The following RTN4IP1 variants were observed in gnomAD, a reference collection of about 807,000 sequenced individuals.
The protein encoded by RTN4IP1 is NAD(P)H oxidoreductase RTN4IP1, mitochondrial.
A neutral mutation model predicts 46.6 loss-of-function variants in RTN4IP1; 32 were observed. That is an observed-to-expected ratio of 0.69 (90% CI 0.52 to 0.92). RTN4IP1 has a LOEUF of 0.92. Ranked by LOEUF, RTN4IP1 falls within the 40% of genes least tolerant of loss-of-function variation. The pLI is 0.00. For synonymous variants in RTN4IP1, 167 were observed against 161.8 expected (o/e 1.03, Z -0.24); for missense variants, 424 against 485.8 (o/e 0.87, Z 1.20).
intron 7 of RTN4IP1, among the ~76,000 whole-genome samples, chr6:106,587,473 G>T (rs536014132): frequency 4.6e-5 from 7 of 152,348 alleles, no homozygotes; most frequent in African/African-American, 1.7e-4. Context: ...AGACATTGGG[G>T]CTTAGAGACA....
intron 5 of RTN4IP1, among the ~76,000 whole-genome samples, chr6:106,600,216 T>C (rs1043291897): frequency 2.0e-5 from 3 of 152,028 alleles, no homozygotes; most frequent in Non-Finnish European, 2.9e-5. Context: ...GAAAGTAATG[T>C]GGCAGAGCCT....
At chr6:106,605,261 C>T (rs1244288174) in intron 4 of RTN4IP1, among the ~76,000 whole-genome samples, 4 of 151,432 alleles carry the variant, frequency 2.6e-5, no homozygotes, top group Non-Finnish European at 5.9e-5. Flanking sequence ...TAGTGAAACC[C>T]CGTCTCTATT....
At chr6:106,609,675 C>A (rs544076754) in intron 4 of RTN4IP1, among the ~76,000 whole-genome samples, 3 of 152,352 alleles carry the variant, frequency 2.0e-5, no homozygotes, top group African/African-American at 7.2e-5. Context: ...ATTTCTAATT[C>A]TCTCTCTGTG....
rs185163882 is a variant in RTN4IP1, at chr6:106,618,753, A to C, written c.620+449T>G. 5.3e-5 allele frequency among the ~76,000 whole-genome samples: 8 copies of C among 152,340 alleles called. No homozygotes were observed. In the East Asian group the frequency reaches 1.5e-3, roughly 29 times the overall value. ...ACTTAAGAATATTCAATAGTTGTGC[A>C]GTCCCTTTATAGAAATATGCAAGTG... is the stretch of plus-strand genomic sequence containing the variant. On this transcript the variant is annotated intron_variant, in intron 4 of 8. Coordinates refer to ENST00000369063, the MANE Select transcript of RTN4IP1 (RefSeq NM_032730.5).
rs568943077 is a variant in RTN4IP1 at position 106,602,942 on chromosome 6, A to G, written c.621-20T>C. ...AGAACACTGAAATGCAAAGGAAACC[A>G]CAATTAACGAGAATCTAAAGCAGAT... On this transcript the variant is annotated intron_variant, in intron 4 of 8. Coordinates refer to ENST00000369063, the MANE Select transcript of RTN4IP1 (RefSeq NM_032730.5). 9.4e-5 allele frequency: 149 copies of G among 1,587,612 alleles called. 1 individual carries two copies. In the South Asian group the frequency reaches 1.5e-3, roughly 16 times the overall value.
Position 106,571,891 on chromosome 6 carries a change from T to C in RTN4IP1, c.*105A>G. On this transcript the variant is annotated 3_prime_UTR_variant, in exon 9 of 9. Transcript: ENST00000369063. ...TTTAAAGCTTGTATCATGGAATGTA[T>C]AATCTAATCTGGAAAAATGTTTGAA... 1.4e-6 allele frequency: 1 copy of C among 697,162 alleles called. No homozygotes were observed. The highest frequency in any genetic ancestry group is 2.5e-6 in the Non-Finnish European group (1 of 396,492). 43.2% of individuals were successfully genotyped at this position (697,162 alleles called of 1,614,324 possible). A position where few individuals can be genotyped will look rare whatever the true frequency, so the allele number is the denominator to read the frequency against.
Position 106,619,220 on chromosome 6 carries a change from T to C in RTN4IP1, c.602A>G (p.Lys201Arg), listed in dbSNP as rs1447273985. 2 of 1,614,196 alleles carry C rather than the reference T, an allele frequency of 1.2e-6. No individual in the cohort carries two copies. Among genetic ancestry groups the C allele is most frequent in the African/African-American group, 1.3e-5 (1 of 75,062 alleles). ...CACTTACCGTTTTCCTGTGCAATTC[T>C]TGTCATTCAGGCCACCAACTTTGTT... ...AINKVGGLND[K>R]NCTGKRVLIL... The change falls in exon 4 of 9, where the codon AAG becomes AGG. Residue 201 changes from lysine (K) to arginine (R), a missense_variant. Physicochemically the swap from Lys to Arg is conservative, Grantham distance 26. Coordinates refer to ENST00000369063, the MANE Select transcript of RTN4IP1 (RefSeq NM_032730.5).
At chr6:106,589,550 A>G (rs960399445) in intron 6 of RTN4IP1, among the ~76,000 whole-genome samples, 1 of 152,130 alleles carries the variant, frequency 6.6e-6, no homozygotes, top group African/African-American at 2.4e-5. Context: ...TCTGGAGACC[A>G]GGTTGTGGAT....
At position 106,619,006 on chromosome 6, in the gene RTN4IP1, G is replaced by A. The variant is rs6906495; in HGVS notation, c.620+196C>T. ...AGTTAAAAAATTCCCAAGTGATTGGGCTGAGAATCCACAGAATGAAGCTAA... is the reference window on the plus strand; with the variant it reads ...AGTTAAAAAATTCCCAAGTGATTGGACTGAGAATCCACAGAATGAAGCTAA... On this transcript the variant is annotated intron_variant, in intron 4 of 8. Coordinates refer to ENST00000369063, the MANE Select transcript of RTN4IP1 (RefSeq NM_032730.5). 0.071 allele frequency among the ~76,000 whole-genome samples: 10,865 copies of A among 152,210 alleles called. 973 individuals are homozygous for A. Among genetic ancestry groups the A allele is most frequent in the African/African-American group, 0.19 (8,033 of 41,506 alleles).
chr6:106,596,701 A>G, intron 5 of RTN4IP1, among the ~76,000 whole-genome samples: 1 of 152,170 alleles, frequency 6.6e-6, no homozygotes, highest in East Asian at 1.9e-4. Flanking sequence ...TTGAACATTT[A>G]CCACTAGTCC....
At chr6:106,606,359 G>A (rs1179035037) in intron 4 of RTN4IP1, among the ~76,000 whole-genome samples, 2 of 152,154 alleles carry the variant, frequency 1.3e-5, no homozygotes, top group Non-Finnish European at 2.9e-5. Flanking sequence ...GGCGGAGGTT[G>A]CAGTGAGCTA....
intron 5 of RTN4IP1, among the ~76,000 whole-genome samples, chr6:106,598,155 T>G (rs1775848556): frequency 6.6e-6 from 1 of 152,130 alleles, no homozygotes; most frequent in South Asian, 2.1e-4. Flanking sequence ...GCAATAAACA[T>G]ACGTGTGCAT....
intron 4 of RTN4IP1, among the ~76,000 whole-genome samples, chr6:106,613,288 G>A (rs1776274787): frequency 6.6e-6 from 1 of 152,092 alleles, no homozygotes; most frequent in African/African-American, 2.4e-5. Context: ...ATGCCTTCCA[G>A]GAATTTCTTC....
At chr6:106,592,082 T>C (rs971895214) in intron 6 of RTN4IP1, 82 bp downstream of exon 6, 1 of 1,396,558 alleles carries the variant, frequency 7.2e-7, no homozygotes, top group African/African-American at 1.4e-5. Context: ...AACATGATTG[T>C]AAAGCCACCA....
intron 1 of RTN4IP1, 77 bp downstream of exon 1, chr6:106,628,671 T>C: frequency 1.5e-6 from 2 of 1,290,716 alleles, no homozygotes; most frequent in Non-Finnish European, 1.1e-6. Flanking sequence ...CAAAGAAGCG[T>C]AGTCAATTTT....
Position 106,592,302 on chromosome 6 carries a change from T to G in RTN4IP1, c.670-2A>C. On this transcript the variant is annotated splice_acceptor_variant, in intron 5 of 8. Transcript: ENST00000369063. LOFTEE classifies it high-confidence loss of function. The stretch of plus-strand genomic sequence containing the variant: ...ATGAGCATCCCATGCTTTCATTACC[T>G]GCCCCCCACCAAAAAGAAAAAAAGA... The G allele has an allele frequency of 6.2e-7, 1 of 1,608,616 alleles. No individual in the cohort carries two copies. The highest frequency in any genetic ancestry group is 8.5e-7 in the Non-Finnish European group (1 of 1,178,692).
Position 106,587,725 on chromosome 6 carries a change from T to A in RTN4IP1, c.944A>T (p.Asp315Val), listed in dbSNP as rs945698336. 2.5e-6 allele frequency: 4 copies of A among 1,613,548 alleles called. No individual in the cohort carries two copies. The highest frequency in any genetic ancestry group is 3.4e-6 in the Non-Finnish European group (4 of 1,179,892). ...LLNMDRLGIA[D>V]GMLQTGVTVG... Reference sequence around the variant, plus strand: ...AGTGACTCCTGTCTGCAACATGCCATCTGCTATGCCCAATCGGTCCATGTT... The same window carrying A: ...AGTGACTCCTGTCTGCAACATGCCAACTGCTATGCCCAATCGGTCCATGTT... Residue 315 changes from aspartate (D) to valine (V), a missense_variant, in exon 7 of 9, where the codon GAT becomes GTT. Coordinates refer to ENST00000369063, the MANE Select transcript of RTN4IP1 (RefSeq NM_032730.5).
chr6:106,606,068 AC>A (rs975656961), intron 4 of RTN4IP1, among the ~76,000 whole-genome samples: 7 of 152,096 alleles, frequency 4.6e-5, no homozygotes, highest in African/African-American at 1.4e-4. Flanking sequence ...ACAAAAGACC[AC>A]CAAAAACCTC....
At chr6:106,592,336 G>C (rs1392971009) in intron 5 of RTN4IP1, 36 bp from the exon 6 acceptor site, 4 of 1,600,072 alleles carry the variant, frequency 2.5e-6, no homozygotes. Context: ...GAATAAAAAA[G>C]GGAGAGATTA....
Sources: allele counts gnomAD v4.1 joint callset (sites outside exome capture counted in the v4.1 genomes callset), GRCh38; gene constraint gnomAD v4.1.1; transcripts MANE v1.5; gene names NCBI Gene and HGNC (gene_info 2026-07-23, HGNC 2026-07-21).